The following L3MBTL3 variants were observed in gnomAD, a reference collection of about 807,000 sequenced individuals.
L3MBTL3 encodes the protein L3MBTL histone methyl-lysine binding protein 3.
In L3MBTL3, 27 loss-of-function variants were observed where a neutral mutation model predicts 102.3. The ratio of observed to expected loss-of-function variants is 0.26; its 90% CI spans 0.19 to 0.36. L3MBTL3 has a LOEUF of 0.36. Ranked by LOEUF, L3MBTL3 falls within the 10% of genes least tolerant of loss-of-function variation. The probability of loss-of-function intolerance (pLI) is 1.00; values close to 1 mark genes in which losing one functional copy is unlikely to be tolerated. For missense variants in L3MBTL3, 798 were observed against 955.3 expected (o/e 0.84, Z 2.17); for synonymous variants, 340 against 320.9 (o/e 1.06, Z -0.64).
At chr6:130,087,194 GA>G (rs1161144391) in intron 16 of L3MBTL3, among the ~76,000 whole-genome samples, 2 of 151,878 alleles carry the variant, frequency 1.3e-5, no homozygotes, top group Non-Finnish European at 2.9e-5. Context: ...AAAATAACAT[GA>G]AAAACCACAA....
At chr6:130,054,912 G>C (rs1379221179) in intron 7 of L3MBTL3, among the ~76,000 whole-genome samples, 1 of 152,226 alleles carries the variant, frequency 6.6e-6, no homozygotes, top group Non-Finnish European at 1.5e-5. Flanking sequence ...ACGCAGCTGA[G>C]AGCAGAAAGT....
At chr6:130,046,013 C>G (rs1215346049) in intron 3 of L3MBTL3, among the ~76,000 whole-genome samples, 1 of 152,202 alleles carries the variant, frequency 6.6e-6, no homozygotes, top group Non-Finnish European at 1.5e-5. Context: ...GTCTCAGCGC[C>G]AGCTGTAAGA....
intron 14 of L3MBTL3, among the ~76,000 whole-genome samples, chr6:130,081,137 T>C (rs1783315098): frequency 6.6e-6 from 1 of 152,240 alleles, no homozygotes; most frequent in Non-Finnish European, 1.5e-5. Context: ...CTTCATGCCT[T>C]TTAAAACTAT....
At chr6:130,110,727 A>G (rs1032797612) in intron 19 of L3MBTL3, among the ~76,000 whole-genome samples, 7 of 152,180 alleles carry the variant, frequency 4.6e-5, no homozygotes, top group Non-Finnish European at 7.4e-5. Flanking sequence ...TTCCAATACT[A>G]TGTTGAATAG....
intron 10 of L3MBTL3, among the ~76,000 whole-genome samples, chr6:130,063,388 G>A (rs1472123280): frequency 6.6e-6 from 1 of 152,164 alleles, no homozygotes; most frequent in Non-Finnish European, 1.5e-5. Context: ...AGTTGGACAG[G>A]ACCATCTAGG....
intron 19 of L3MBTL3, among the ~76,000 whole-genome samples, chr6:130,107,725 C>T: frequency 6.6e-6 from 1 of 152,166 alleles, no homozygotes; most frequent in East Asian, 1.9e-4. Context: ...CTGTTTAGTA[C>T]TGTCTTAGTT....
intron 14 of L3MBTL3, among the ~76,000 whole-genome samples, chr6:130,079,164 A>T (rs1371903904): frequency 6.6e-5 from 10 of 152,224 alleles, no homozygotes. Flanking sequence ...TCACAGAAGC[A>T]CAGTGTTCAC....
intron 2 of L3MBTL3, among the ~76,000 whole-genome samples, chr6:130,028,330 G>T (rs12530176): frequency 0.36 from 54,858 of 151,978 alleles, 11,489 homozygotes; most frequent in East Asian, 0.53. Flanking sequence ...AATATGACTA[G>T]CTGATAAAGG....
intron 3 of L3MBTL3, among the ~76,000 whole-genome samples, chr6:130,045,479 T>C (rs1332704798): frequency 6.6e-6 from 1 of 152,154 alleles, no homozygotes; most frequent in Non-Finnish European, 1.5e-5. Flanking sequence ...TTTTACCCTT[T>C]TTAAGATAGT....
intron 13 of L3MBTL3, among the ~76,000 whole-genome samples, chr6:130,074,161 T>C (rs1782809028): frequency 6.6e-6 from 1 of 152,222 alleles, no homozygotes; most frequent in African/African-American, 2.4e-5. Flanking sequence ...TGCTTTGATT[T>C]GAATAGTAAT....
At chr6:130,035,400 C>CT (rs1779994505) in intron 2 of L3MBTL3, among the ~76,000 whole-genome samples, 1 of 152,122 alleles carries the variant, frequency 6.6e-6, no homozygotes, top group African/African-American at 2.4e-5. Context: ...GGTTTCACAA[C>CT]TTTGGTTTGG....
At chr6:130,066,649 T>A (rs1782279538) in intron 11 of L3MBTL3, among the ~76,000 whole-genome samples, 161 bp downstream of exon 11, 1 of 152,144 alleles carries the variant, frequency 6.6e-6, no homozygotes, top group African/African-American at 2.4e-5. Flanking sequence ...GTTAAAGAAA[T>A]AAAAGCAGAA....
Position 130,057,501 on chromosome 6 carries a change from C to G in L3MBTL3, c.759+4C>G. On this transcript the variant is annotated splice_donor_region_variant and intron_variant, in intron 9 of 22. Coordinates refer to ENST00000361794, the MANE Select transcript of L3MBTL3 (RefSeq NM_032438.4). ...GCCGGCGAAGCTGTTCAAGGAGGTA[C>G]GGGCCCTTCTAGAGACGTGATCTGT... is the stretch of plus-strand genomic sequence containing the variant. 1 of 1,602,266 alleles carries G rather than the reference C, an allele frequency of 6.2e-7. No individual in the cohort carries two copies. The highest frequency in any genetic ancestry group is 8.5e-7 in the Non-Finnish European group (1 of 1,174,906).
At chr6:130,064,127 A>G (rs1300456361) in intron 10 of L3MBTL3, among the ~76,000 whole-genome samples, 1 of 152,204 alleles carries the variant, frequency 6.6e-6, no homozygotes, top group East Asian at 1.9e-4. Context: ...TTAGGTGGAG[A>G]CAAGATGGAT....
At chr6:130,134,601 G>A (rs1017899827) in intron 22 of L3MBTL3, among the ~76,000 whole-genome samples, 1 of 152,142 alleles carries the variant, frequency 6.6e-6, no homozygotes, top group Non-Finnish European at 1.5e-5. Context: ...TTAAAAATAA[G>A]CCACTTGCCT....
At chr6:130,118,555 C>T (rs1412275774) in intron 19 of L3MBTL3, among the ~76,000 whole-genome samples, 1 of 152,152 alleles carries the variant, frequency 6.6e-6, no homozygotes, top group Non-Finnish European at 1.5e-5. Context: ...CACATAGAAC[C>T]TCAGGGGTAT....
chr6:130,048,971 T>TACAC (rs1780908461), intron 3 of L3MBTL3, among the ~76,000 whole-genome samples: 1 of 53,808 alleles, frequency 1.9e-5, no homozygotes, highest in Non-Finnish European at 4.9e-5. Flanking sequence ...CACACACACA[T>TACAC]ACACACACAA....
chr6:130,025,929 T>C (rs73614212), intron 2 of L3MBTL3, among the ~76,000 whole-genome samples: 3,982 of 152,224 alleles, frequency 0.026, 164 homozygotes, highest in African/African-American at 0.09. Flanking sequence ...GCTCAGTATA[T>C]TCCTAATCTA....
chr6:130,062,833 C>G (rs146412562), intron 10 of L3MBTL3, among the ~76,000 whole-genome samples: 258 of 150,844 alleles, frequency 1.7e-3, no homozygotes, highest in African/African-American at 5.8e-3. Context: ...TGAGCATCCT[C>G]TTACCTCTGT....
Sources: gnomAD v4.1 joint callset for allele counts (sites outside exome capture counted in the v4.1 genomes callset) on GRCh38, gnomAD v4.1.1 for gene constraint, MANE v1.5 for transcripts, NCBI Gene and HGNC (gene_info 2026-07-23, HGNC 2026-07-21) for gene names.